Variants in RARB observed in about 807,000 individuals in gnomAD.
The protein encoded by RARB is HBV-activated protein.
In RARB, 17 loss-of-function variants were observed where a neutral mutation model predicts 51.9. The ratio of observed to expected loss-of-function variants is 0.33; its 90% CI spans 0.22 to 0.49. The LOEUF is 0.49. Ranked by LOEUF, RARB falls within the 20% of genes least tolerant of loss-of-function variation. The pLI, the probability that RARB is intolerant of heterozygous loss-of-function variation, is 0.99. For missense variants in RARB, 369 were observed against 550.8 expected (o/e 0.67, Z 3.30); for synonymous variants, 215 against 195.4 (o/e 1.10, Z -0.84).
At chr3:24,988,716 A>G (rs893235353) in intron 2 of RARB, among the ~76,000 whole-genome samples, 4 of 152,254 alleles carry the variant, frequency 2.6e-5, no homozygotes, top group Admixed American at 6.5e-5. Context: ...AATTATTGTT[A>G]GACATAGGTC....
intron 5 of RARB, among the ~76,000 whole-genome samples, chr3:25,387,905 C>G (rs1016044074): frequency 6.6e-6 from 1 of 151,924 alleles, no homozygotes; most frequent in African/African-American, 2.4e-5. Flanking sequence ...AATGTTTAAC[C>G]TGGATTGATG....
chr3:25,363,121 T>C (rs2125465355), intron 5 of RARB, among the ~76,000 whole-genome samples: 1 of 152,248 alleles, frequency 6.6e-6, no homozygotes, highest in Admixed American at 6.5e-5. Flanking sequence ...GGATAGGACA[T>C]AATTTAAGGA....
chr3:25,090,170 C>A (rs1218406709), intron 3 of RARB, among the ~76,000 whole-genome samples: 1 of 152,090 alleles, frequency 6.6e-6, no homozygotes. Context: ...TCTGAGGGAG[C>A]TAGCTTACCT....
At chr3:25,027,510 T>C (rs1604000) in intron 2 of RARB, among the ~76,000 whole-genome samples, 101,101 of 151,976 alleles carry the variant, frequency 0.67, 33,972 homozygotes, top group East Asian at 0.87. Context: ...GCCCTCTTCA[T>C]TTTTCTGTCT....
intron 5 of RARB, among the ~76,000 whole-genome samples, chr3:25,222,645 G>T (rs1034577248): frequency 3.3e-5 from 5 of 152,168 alleles, no homozygotes; most frequent in Non-Finnish European, 5.9e-5. Context: ...AAAGATGATA[G>T]ATGGAAGGAA....
chr3:25,083,872 C>T (rs1443388715), intron 3 of RARB, among the ~76,000 whole-genome samples: 2 of 152,096 alleles, frequency 1.3e-5, no homozygotes, highest in Non-Finnish European at 2.9e-5. Flanking sequence ...GTTAGAGTTG[C>T]CTTACTCTTT....
At chr3:25,509,274 T>C (rs1697766900) in intron 3 of RARB, among the ~76,000 whole-genome samples, 1 of 152,220 alleles carries the variant, frequency 6.6e-6, no homozygotes, top group African/African-American at 2.4e-5. Context: ...AGGATTGTTT[T>C]GTGGATTGGA....
rs533646633 is a variant in RARB, at chr3:25,376,872, G to A, written c.179-84321G>A. ...GAACTACCAGGGTGTCCTCTGTTAG[G>A]CACAGGTCCCATTTCTAACCCCCTA... On this transcript the variant is annotated intron_variant, in intron 5 of 11. Transcript: ENST00000383772. Among the ~76,000 whole-genome samples the A allele has an allele frequency of 4.6e-5, 7 of 152,232 alleles. No individual in the cohort carries two copies. The South Asian group carries it at 1.5e-3, about 32-fold the overall frequency.
chr3:25,215,347 G>A (rs576316299), intron 5 of RARB, among the ~76,000 whole-genome samples: 1 of 152,302 alleles, frequency 6.6e-6, no homozygotes, highest in South Asian at 2.1e-4. Flanking sequence ...TTGTGGGAAA[G>A]GGTTTGACAA....
At chr3:25,126,691 A>G (rs1699865682) in intron 3 of RARB, among the ~76,000 whole-genome samples, 1 of 152,152 alleles carries the variant, frequency 6.6e-6, no homozygotes, top group Non-Finnish European at 1.5e-5. Context: ...TCTTGGCAAT[A>G]ACTTTCATCT....
At chr3:24,870,538 T>TG (rs760882548) in intron 2 of RARB, among the ~76,000 whole-genome samples, 49 of 152,298 alleles carry the variant, frequency 3.2e-4, no homozygotes, top group South Asian at 2.1e-3. Context: ...TCTTGATTTC[T>TG]GGCAGTTTAA....
chr3:25,534,230 T>A (rs1425508992), intron 3 of RARB, among the ~76,000 whole-genome samples: 1 of 152,200 alleles, frequency 6.6e-6, no homozygotes, highest in Non-Finnish European at 1.5e-5. Flanking sequence ...TTTGAGCAAA[T>A]AACCAAGAGC....
chr3:25,437,711 G>C (rs1399914124), intron 1 of RARB, among the ~76,000 whole-genome samples: 1 of 152,140 alleles, frequency 6.6e-6, no homozygotes, highest in Non-Finnish European at 1.5e-5. Flanking sequence ...CGGGCGTGAA[G>C]TTTTTCTGTG....
At position 25,518,839 on chromosome 3, in the gene RARB, G is replaced by C. The variant is rs188695483; in HGVS notation, c.448+17516G>C. On this transcript the variant is annotated intron_variant, in intron 3 of 7. Coordinates refer to ENST00000330688, the MANE Select transcript of RARB (RefSeq NM_000965.5). ...AATGGCACAGACTTTTAAGTGTACT[G>C]TTTAGTAAGTTTTGATAAATATATG... 1.5e-3 allele frequency among the ~76,000 whole-genome samples: 229 copies of C among 152,220 alleles called. 4 individuals carry two copies. The highest frequency in any genetic ancestry group is 4.1e-4 in the Non-Finnish European group (28 of 67,996).
chr3:24,898,907 A>G (rs1703536810), intron 2 of RARB, among the ~76,000 whole-genome samples: 1 of 152,150 alleles, frequency 6.6e-6, no homozygotes, highest in Non-Finnish European at 1.5e-5. Context: ...CTACTCAGTA[A>G]CAGAGGGCTC....
chr3:25,203,985 G>A (rs1222932530), intron 5 of RARB, among the ~76,000 whole-genome samples: 1 of 152,118 alleles, frequency 6.6e-6, no homozygotes, highest in African/African-American at 2.4e-5. Context: ...TGCCTTGCTA[G>A]GTTGGGGAAG....
chr3:25,288,113 G>A (rs1306487468), intron 5 of RARB, among the ~76,000 whole-genome samples: 1 of 152,072 alleles, frequency 6.6e-6, no homozygotes, highest in East Asian at 1.9e-4. Flanking sequence ...AATATAGCAA[G>A]ATATTGTCAA....
intron 2 of RARB, among the ~76,000 whole-genome samples, chr3:25,007,083 T>A (rs1697288419): frequency 6.6e-6 from 1 of 152,222 alleles, no homozygotes; most frequent in South Asian, 2.1e-4. Context: ...CTCCTGAGTT[T>A]GATTTATGCT....
intron 2 of RARB, among the ~76,000 whole-genome samples, chr3:24,894,016 G>T (rs1575058396): frequency 9.8e-6 from 1 of 101,528 alleles, no homozygotes; most frequent in South Asian, 2.7e-4. Flanking sequence ...ACAAATAACT[G>T]AACAGAAAGA....
Sources: allele counts gnomAD v4.1 joint callset (sites outside exome capture counted in the v4.1 genomes callset), GRCh38; gene constraint gnomAD v4.1.1; transcripts MANE v1.5; gene names NCBI Gene and HGNC (gene_info 2026-07-23, HGNC 2026-07-21).